FBXO11: variants seen among roughly 807,000 people sequenced by gnomAD.
FBXO11 encodes the protein F-box only protein 11.
Under a neutral mutation model 117.0 loss-of-function variants are expected in FBXO11, and 13 were observed. That is an observed-to-expected ratio of 0.11 (90% CI 0.07 to 0.18). The LOEUF (loss-of-function observed/expected upper bound fraction) is 0.18. FBXO11 is among the 10% of genes least tolerant of loss of function. The pLI is 1.00. For synonymous variants in FBXO11, 490 were observed against 380.5 expected, an observed-to-expected ratio of 1.29 and a Z score of -3.35; for missense variants, 767 against 1,164.4, an observed-to-expected ratio of 0.66 and a Z score of 4.97.
chr2:47,816,372 G>C (rs1005193217), intron 16 of FBXO11, among the ~76,000 whole-genome samples: 2 of 152,010 alleles, frequency 1.3e-5, no homozygotes, highest in African/African-American at 4.8e-5. Flanking sequence ...ACAGAGACAG[G>C]GTTTTGCTAT....
intron 1 of FBXO11, among the ~76,000 whole-genome samples, chr2:47,848,460 C>T (rs1215016521): frequency 1.3e-5 from 2 of 152,176 alleles, no homozygotes; most frequent in African/African-American, 2.4e-5. Context: ...AACCACCCAC[C>T]CCTCTGAGTC....
At position 47,807,373 on chromosome 2, in the gene FBXO11, T is replaced by TAAAAC. The variant is rs1670291738; in HGVS notation, c.*740_*744dup. ...TGCATCCCTTCCTAGGAAGTCTCATTAAAACACTCACTTTTTCTAGGGGTG... is the reference window on the plus strand; with the variant it reads ...TGCATCCCTTCCTAGGAAGTCTCATTAAAACAAAACACTCACTTTTTCTAGGGGTG... On this transcript the variant is annotated 3_prime_UTR_variant, in exon 23 of 23. Transcript: ENST00000403359. 1 of 209,802 alleles carries TAAAAC rather than the reference T, an allele frequency of 4.8e-6. No individual in the cohort carries two copies. Among genetic ancestry groups the TAAAAC allele is most frequent in the East Asian group, 7.3e-5 (1 of 13,692 alleles). 13.0% of individuals were successfully genotyped at this position (209,802 alleles called of 1,614,324 possible).
chr2:47,839,498 G>A lies in FBXO11; in HGVS notation c.363C>T (p.Gly121=), dbSNP rs756494130. The A allele has an allele frequency of 8.1e-6, 13 of 1,613,102 alleles. No individual in the cohort carries two copies. Among genetic ancestry groups the A allele is most frequent in the Admixed American group, 1.7e-5 (1 of 59,804 alleles). ...AGTTTTCTGTAGTTGAAGTTGAGGCGCCCTTCAAAAACAAAACAGAAACTA... is the reference window on the plus strand; with the variant it reads ...AGTTTTCTGTAGTTGAAGTTGAGGCACCCTTCAAAAACAAAACAGAAACTA... ...TACPTKNSME[G]ASTSTTENFG... Residue 121 remains glycine, a splice_region_variant and synonymous_variant, in exon 3 of 23, where the codon GGC becomes GGT. Transcript: ENST00000403359.
intron 11 of FBXO11, among the ~76,000 whole-genome samples, chr2:47,826,101 C>G (rs1671736023): frequency 6.6e-6 from 1 of 152,160 alleles, no homozygotes; most frequent in Non-Finnish European, 1.5e-5. Flanking sequence ...CTTTGTCACC[C>G]AGGCTTGAGT....
intron 1 of FBXO11, among the ~76,000 whole-genome samples, chr2:47,873,067 A>C (rs535850189): frequency 5.3e-5 from 8 of 152,278 alleles, no homozygotes; most frequent in East Asian, 1.9e-4. Flanking sequence ...GGAACACACA[A>C]AGTTTCAGTG....
Position 47,843,089 on chromosome 2 carries a change from T to C in FBXO11, c.233-3320A>G, listed in dbSNP as rs1476375378. ...ATAGCTGTGAGTCAATGTGCCCAGCTTGTAAATTTTCCATGTACTGCAGGA... is the reference window on the plus strand; with the variant it reads ...ATAGCTGTGAGTCAATGTGCCCAGCCTGTAAATTTTCCATGTACTGCAGGA... On this transcript the variant is annotated intron_variant, in intron 1 of 22. Transcript: ENST00000403359. Among the ~76,000 whole-genome samples the C allele has an allele frequency of 3.3e-5, 5 of 152,338 alleles. No homozygotes were observed. In the East Asian group the frequency reaches 5.8e-4, roughly 18 times the overall value.
At chr2:47,833,260 T>C (rs1672316581) in intron 7 of FBXO11, among the ~76,000 whole-genome samples, 190 bp from the exon 8 acceptor site, 1 of 152,176 alleles carries the variant, frequency 6.6e-6, no homozygotes, top group Admixed American at 6.5e-5. Flanking sequence ...CTAATAACAT[T>C]TAACTATAAA....
At chr2:47,853,693 A>C (rs1674058374) in intron 1 of FBXO11, among the ~76,000 whole-genome samples, 1 of 152,186 alleles carries the variant, frequency 6.6e-6, no homozygotes, top group African/African-American at 2.4e-5. Context: ...TTACCTTATA[A>C]AATTACTGTG....
At chr2:47,866,609 G>A (rs897686222) in intron 1 of FBXO11, among the ~76,000 whole-genome samples, 3 of 151,896 alleles carry the variant, frequency 2.0e-5, no homozygotes, top group African/African-American at 7.3e-5. Context: ...GAGTAGCTAG[G>A]ATTACAGGCG....
chr2:47,849,769 T>C (rs1302134216), intron 1 of FBXO11, among the ~76,000 whole-genome samples: 1 of 152,168 alleles, frequency 6.6e-6, no homozygotes, highest in Non-Finnish European at 1.5e-5. Context: ...GCAGAAGGAA[T>C]AGTGTGTGTG....
rs564540671 is a variant in FBXO11 at position 47,813,425 on chromosome 2, A to ATTTTTTTTTTTTTTTTTTTTTTTTTTTT, written c.2084-49_2084-48insAAAAAAAAAAAAAAAAAAAAAAAAAAAA. 8.5e-5 allele frequency: 33 copies of ATTTTTTTTTTTTTTTTTTTTTTTTTTTT among 390,100 alleles called. 4 individuals are homozygous for ATTTTTTTTTTTTTTTTTTTTTTTTTTTT. Among genetic ancestry groups the ATTTTTTTTTTTTTTTTTTTTTTTTTTTT allele is most frequent in the African/African-American group, 3.1e-4 (6 of 19,174 alleles). 24.2% of individuals were successfully genotyped at this position (390,100 alleles called of 1,614,324 possible). The stretch of plus-strand genomic sequence containing the variant: ...TATCTAGAAGGTATATTTCTTTTTA[A>ATTTTTTTTTTTTTTTTTTTTTTTTTTTT]TTTTTTTTTTTTTTTTTTTTTTTGA... On this transcript the variant is annotated intron_variant, in intron 17 of 22. Coordinates refer to ENST00000403359, the MANE Select transcript of FBXO11 (RefSeq NM_001190274.2).
chr2:47,863,037 A>G (rs1674901922), intron 1 of FBXO11, among the ~76,000 whole-genome samples: 2 of 151,060 alleles, frequency 1.3e-5, no homozygotes, highest in African/African-American at 2.4e-5. Context: ...CCTGGGTGAC[A>G]AGCGTAAAAC....
intron 1 of FBXO11, among the ~76,000 whole-genome samples, chr2:47,902,965 C>T (rs1462141765): frequency 6.6e-6 from 1 of 151,446 alleles, no homozygotes; most frequent in African/African-American, 2.4e-5. Context: ...AGCTTTAGTT[C>T]TTTAATTATC....
At chr2:47,885,689 G>C (rs547162977) in intron 1 of FBXO11, among the ~76,000 whole-genome samples, 6 of 152,322 alleles carry the variant, frequency 3.9e-5, no homozygotes, top group African/African-American at 1.2e-4. Flanking sequence ...ACAGGTGGTA[G>C]AGTAAAGCCT....
rs559151280 is a variant in FBXO11, at chr2:47,842,266, G to A, written c.233-2497C>T. Among the ~76,000 whole-genome samples the A allele has an allele frequency of 9.9e-5, 15 of 152,086 alleles. No individual in the cohort carries two copies. In the South Asian group the frequency reaches 2.1e-3, roughly 21 times the overall value. On this transcript the variant is annotated intron_variant, in intron 1 of 22. Transcript: ENST00000403359. ...CTTGACCTCGTGATCTGCCCGCCTC[G>A]GCCTCCCAAAGTGCTGGGATTACAG...
chr2:47,864,979 G>A (rs1213404635), intron 1 of FBXO11, among the ~76,000 whole-genome samples: 1 of 152,100 alleles, frequency 6.6e-6, no homozygotes, highest in Non-Finnish European at 1.5e-5. Flanking sequence ...AAAACACCTG[G>A]GCGCTTGTTA....
chr2:47,884,953 CA>C (rs1676707483), intron 1 of FBXO11, among the ~76,000 whole-genome samples: 2 of 152,102 alleles, frequency 1.3e-5, no homozygotes, highest in South Asian at 4.2e-4. Context: ...ATACTGATAT[CA>C]GACATCTATT....
At chr2:47,875,224 A>T (rs1159374993) in intron 1 of FBXO11, among the ~76,000 whole-genome samples, 1 of 152,154 alleles carries the variant, frequency 6.6e-6, no homozygotes, top group Non-Finnish European at 1.5e-5. Context: ...AACCCCTTAA[A>T]AGTGTGATGA....
intron 1 of FBXO11, chr2:47,905,167 C>A (rs1251255560): frequency 1.0e-5 from 2 of 196,078 alleles, no homozygotes; most frequent in Non-Finnish European, 2.1e-5. Context: ...TTCCCCCCGG[C>A]CACCAACAGA....
Sources: gnomAD v4.1 joint callset for allele counts (sites outside exome capture counted in the v4.1 genomes callset) on GRCh38, gnomAD v4.1.1 for gene constraint, MANE v1.5 for transcripts, NCBI Gene and HGNC (gene_info 2026-07-23, HGNC 2026-07-21) for gene names.